Variants in TAS2R1 observed in about 807,000 individuals in gnomAD.
The protein encoded by TAS2R1 is taste receptor type 2 member 1.
For synonymous variants in TAS2R1, 141 were observed against 134.2 expected (o/e 1.05, Z -0.35); for missense variants, 370 against 353.4 (o/e 1.05, Z -0.38).
chr5:9,717,711 A>G, the TAS2R1 span, among the ~76,000 whole-genome samples: 1 of 152,208 alleles, frequency 6.6e-6, no homozygotes, highest in Non-Finnish European at 1.5e-5. Flanking sequence ...TTCCATTTGG[A>G]AAAACATAAA....
intron 2 of TAS2R1, among the ~76,000 whole-genome samples, chr5:9,635,728 G>T (rs980609760): frequency 6.6e-6 from 1 of 151,858 alleles, no homozygotes; most frequent in Non-Finnish European, 1.5e-5. Context: ...TGTGTGTAAA[G>T]GTGTTTATAG....
the TAS2R1 span, among the ~76,000 whole-genome samples, chr5:9,769,794 C>T: frequency 6.6e-6 from 1 of 152,004 alleles, no homozygotes; most frequent in East Asian, 1.9e-4. Flanking sequence ...GTTTGAGCTC[C>T]TTGTATATTC....
At chr5:9,797,120 T>C in the TAS2R1 span, among the ~76,000 whole-genome samples, 1 of 152,186 alleles carries the variant, frequency 6.6e-6, no homozygotes, top group African/African-American at 2.4e-5. Flanking sequence ...AAGAGCATTA[T>C]GGGGGATGAG....
At chr5:9,840,076 C>A in the TAS2R1 span, among the ~76,000 whole-genome samples, 1 of 152,088 alleles carries the variant, frequency 6.6e-6, no homozygotes, top group African/African-American at 2.4e-5. Flanking sequence ...TGGACTCTTG[C>A]TCTCCTTGCT....
the TAS2R1 span, among the ~76,000 whole-genome samples, chr5:9,791,937 C>A: frequency 6.6e-6 from 1 of 152,176 alleles, no homozygotes; most frequent in Non-Finnish European, 1.5e-5. Flanking sequence ...GTCAAGATCA[C>A]TGTATAAATA....
chr5:9,853,564 C>G, the TAS2R1 span, among the ~76,000 whole-genome samples: 1 of 152,112 alleles, frequency 6.6e-6, no homozygotes, highest in African/African-American at 2.4e-5. Context: ...TGGAGAGGTA[C>G]TTTGGGTGCC....
At chr5:9,731,542 C>T in the TAS2R1 span, among the ~76,000 whole-genome samples, 21,596 of 152,210 alleles carry the variant, frequency 0.14, 1,640 homozygotes, top group African/African-American at 0.18. Context: ...CTCCAACATT[C>T]TACTCTCCCT....
At chr5:9,866,237 A>G in the TAS2R1 span, among the ~76,000 whole-genome samples, 1 of 152,200 alleles carries the variant, frequency 6.6e-6, no homozygotes, top group Admixed American at 6.5e-5. Context: ...TTTCCATTGG[A>G]ATTTTTATGG....
chr5:9,840,642 A>G, the TAS2R1 span, among the ~76,000 whole-genome samples: 1 of 151,864 alleles, frequency 6.6e-6, no homozygotes, highest in African/African-American at 2.4e-5. Context: ...TGTACAGTCA[A>G]TGTTCATTTA....
At chr5:9,836,571 G>A in the TAS2R1 span, among the ~76,000 whole-genome samples, 2 of 152,164 alleles carry the variant, frequency 1.3e-5, no homozygotes, top group Non-Finnish European at 2.9e-5. Flanking sequence ...CCCCAGGCAG[G>A]AGCCACTGCT....
At chr5:9,754,372 A>T in the TAS2R1 span, among the ~76,000 whole-genome samples, 2 of 151,886 alleles carry the variant, frequency 1.3e-5, no homozygotes, top group Non-Finnish European at 1.5e-5. Flanking sequence ...CTCTCTCACC[A>T]CTCCTATTCA....
the TAS2R1 span, among the ~76,000 whole-genome samples, chr5:9,726,735 C>T: frequency 4.3e-4 from 66 of 152,330 alleles, no homozygotes; most frequent in African/African-American, 1.5e-3. Context: ...GACCAAGAAC[C>T]CACCAATTCC....
the TAS2R1 span, among the ~76,000 whole-genome samples, chr5:9,783,667 A>G: frequency 6.6e-6 from 1 of 152,230 alleles, no homozygotes; most frequent in African/African-American, 2.4e-5. Flanking sequence ...GAATATTTCA[A>G]TCTTTCTTTC....
the TAS2R1 span, among the ~76,000 whole-genome samples, chr5:9,720,271 G>A: frequency 6.6e-6 from 1 of 152,220 alleles, no homozygotes; most frequent in Non-Finnish European, 1.5e-5. Context: ...GGATCTGCGG[G>A]TTGTAGAATT....
chr5:9,834,319 G>A, the TAS2R1 span, among the ~76,000 whole-genome samples: 1 of 152,208 alleles, frequency 6.6e-6, no homozygotes, highest in East Asian at 1.9e-4. Flanking sequence ...CCATCTTAGT[G>A]GGTCAAGTGA....
chr5:9,842,242 A>G, the TAS2R1 span, among the ~76,000 whole-genome samples: 1 of 151,944 alleles, frequency 6.6e-6, no homozygotes, highest in Non-Finnish European at 1.5e-5. Context: ...AAAAAATAGT[A>G]AAGCCCCTGG....
intron 1 of TAS2R1, among the ~76,000 whole-genome samples, chr5:9,685,306 G>A (rs186741279): frequency 2.6e-5 from 4 of 151,784 alleles, no homozygotes; most frequent in East Asian, 3.9e-4. Context: ...TGGATTAATT[G>A]GCCATACAAT....
chr5:9,680,643 G>T (rs534770963), intron 1 of TAS2R1, among the ~76,000 whole-genome samples: 1 of 152,144 alleles, frequency 6.6e-6, no homozygotes, highest in South Asian at 2.1e-4. Flanking sequence ...CAATAAAGGG[G>T]TATCCTAAAA....
chr5:9,706,942 A>T (rs1418016480), intron 1 of TAS2R1, among the ~76,000 whole-genome samples: 1 of 152,140 alleles, frequency 6.6e-6, no homozygotes, highest in East Asian at 1.9e-4. Context: ...TTTTTTTAAA[A>T]AATATTTTTC....
Sources: gnomAD v4.1 joint callset for allele counts (sites outside exome capture counted in the v4.1 genomes callset) on GRCh38, gnomAD v4.1.1 for gene constraint, MANE v1.5 for transcripts, NCBI Gene and HGNC (gene_info 2026-07-23, HGNC 2026-07-21) for gene names.